The following TRIM36 variants were observed in gnomAD, a reference collection of about 807,000 sequenced individuals.
TRIM36 encodes the protein E3 ubiquitin-protein ligase TRIM36.
Under a neutral mutation model 72.4 loss-of-function variants are expected in TRIM36, and 42 were observed. The observed-to-expected ratio is 0.58, with a 90% CI of 0.45 to 0.75. The LOEUF is 0.75. Ranked by LOEUF, TRIM36 falls within the 30% of genes least tolerant of loss-of-function variation. TRIM36 has a pLI of 0.00. For missense variants in TRIM36, 913 were observed against 857.1 expected (o/e 1.07, Z -0.81); for synonymous variants, 315 against 282.8 (o/e 1.11, Z -1.14).
At chr5:115,132,599 C>T (rs1046540495) in intron 8 of TRIM36, among the ~76,000 whole-genome samples, 2 of 151,316 alleles carry the variant, frequency 1.3e-5, no homozygotes, top group Non-Finnish European at 2.9e-5. Flanking sequence ...CCATTACCCA[C>T]GTGTGAGCTG....
At chr5:115,139,904 G>A (rs1005894077) in intron 5 of TRIM36, among the ~76,000 whole-genome samples, 2 of 152,070 alleles carry the variant, frequency 1.3e-5, no homozygotes, top group African/African-American at 4.8e-5. Context: ...CAGACTCTGG[G>A]TCTTCATTTC....
At chr5:115,136,205 A>G (rs1177999212) in intron 7 of TRIM36, among the ~76,000 whole-genome samples, 1 of 151,536 alleles carries the variant, frequency 6.6e-6, no homozygotes, top group Non-Finnish European at 1.5e-5. Flanking sequence ...TAGGGTCTTT[A>G]AAGAGGAAAT....
At chr5:115,146,002 T>A (rs891829150) in intron 3 of TRIM36, among the ~76,000 whole-genome samples, 1 of 152,222 alleles carries the variant, frequency 6.6e-6, no homozygotes, top group Admixed American at 6.5e-5. Context: ...ATGAAATGTT[T>A]CTCAGTATAA....
Position 115,125,477 on chromosome 5 carries a change from G to T in TRIM36, c.*1026C>A, listed in dbSNP as rs903740248. On this transcript the variant is annotated 3_prime_UTR_variant, in exon 10 of 10. Coordinates refer to ENST00000513154, the MANE Select transcript of TRIM36 (RefSeq NM_001300759.2). The stretch of plus-strand genomic sequence containing the variant: ...ATGAGAAACAGAAAATGCCACATAA[G>T]TGAACATTTAAATGTTACAAAAATT... 5 of 151,928 alleles carry T rather than the reference G, an allele frequency of 3.3e-5. No homozygotes were observed. Among genetic ancestry groups the T allele is most frequent in the Non-Finnish European group, 1.5e-5 (1 of 67,912 alleles). The allele number at this position is 151,928 out of a possible 1,614,324, so 9.4% of individuals were successfully genotyped here.
chr5:115,130,612 G>T lies in TRIM36; in HGVS notation c.1776C>A (p.Pro592=). ...CCTACCTTGGACTAACTGCATCCCGGGGAGAACGGAGCCATTCTTGTAGTT... is the reference window on the plus strand; with the variant it reads ...CCTACCTTGGACTAACTGCATCCCGTGGAGAACGGAGCCATTCTTGTAGTT... The part of the protein sequence containing the change: ...SDKLQEWLRS[P]RDAVSPRYEQ... The change falls in exon 9 of 10, where the codon CCC becomes CCA. Residue 592 remains proline (P), a synonymous_variant. Transcript: ENST00000513154. 6.2e-7 allele frequency: 1 copy of T among 1,614,050 alleles called. No individual in the cohort carries two copies. Among genetic ancestry groups the T allele is most frequent in the Non-Finnish European group, 8.5e-7 (1 of 1,179,958 alleles).
upstream of TRIM36, among the ~76,000 whole-genome samples, chr5:115,172,776 C>T (rs1419332499): frequency 1.3e-5 from 2 of 151,780 alleles, no homozygotes; most frequent in Non-Finnish European, 2.9e-5. Flanking sequence ...ATTCTGAATG[C>T]TGCCACTCTG....
At chr5:115,164,077 C>T (rs750795625) in intron 1 of TRIM36, among the ~76,000 whole-genome samples, 11 of 152,068 alleles carry the variant, frequency 7.2e-5, no homozygotes, top group Non-Finnish European at 1.0e-4. Context: ...TTTAGGACTT[C>T]GGTGAAATCC....
intron 3 of TRIM36, among the ~76,000 whole-genome samples, chr5:115,145,696 T>C (rs947858951): frequency 6.6e-6 from 1 of 152,150 alleles, no homozygotes; most frequent in Non-Finnish European, 1.5e-5. Context: ...CCAGCTAATT[T>C]TGTAACTTAT....
intron 1 of TRIM36, among the ~76,000 whole-genome samples, 152 bp downstream of exon 1, chr5:115,169,456 C>A (rs921856734): frequency 8.5e-5 from 13 of 152,208 alleles, no homozygotes; most frequent in African/African-American, 2.9e-4. Context: ...TAGCCCCGGG[C>A]GGGAGAAGGC....
intron 1 of TRIM36, among the ~76,000 whole-genome samples, chr5:115,165,800 T>C (rs971301512): frequency 8.5e-5 from 13 of 152,102 alleles, no homozygotes; most frequent in African/African-American, 2.2e-4. Context: ...GGGCCCAGGA[T>C]GCCTCTCTTC....
In TRIM36 at chr5:115,125,309, A is replaced by C. The variant is rs1053189698; in HGVS notation, c.*1194T>G. The C allele has an allele frequency of 2.0e-5, 3 of 152,178 alleles. No homozygotes were observed. Among genetic ancestry groups the C allele is most frequent in the Non-Finnish European group, 4.4e-5 (3 of 67,992 alleles). 9.4% of individuals were successfully genotyped at this position (152,178 alleles called of 1,614,324 possible). ...CTACTTGAAAGCAACACCTTTCAAA[A>C]ACAGACACACAATTTAGATAGAATG... is the stretch of plus-strand genomic sequence containing the variant. On this transcript the variant is annotated 3_prime_UTR_variant, in exon 10 of 10. Coordinates refer to ENST00000513154, the MANE Select transcript of TRIM36 (RefSeq NM_001300759.2).
chr5:115,149,069 A>G (rs1753748325), intron 2 of TRIM36: 1 of 152,298 alleles, frequency 6.6e-6, no homozygotes, highest in Non-Finnish European at 1.5e-5. Context: ...AATATTTTTA[A>G]TATCTTCATT....
chr5:115,163,390 T>A lies in TRIM36; in HGVS notation c.262+128A>T. Reference sequence around the variant, plus strand: ...GGGGGAGGCCCCTTTATAACTACAGTTTTAATTTATTCACCTGGAAAAATT... The same window carrying A: ...GGGGGAGGCCCCTTTATAACTACAGATTTAATTTATTCACCTGGAAAAATT... On this transcript the variant is annotated intron_variant, in intron 2 of 9. Coordinates refer to ENST00000513154, the MANE Select transcript of TRIM36 (RefSeq NM_001300759.2). 5.2e-6 allele frequency: 4 copies of A among 772,230 alleles called. 1 individual carries two copies. The South Asian group carries it at 7.3e-5, about 14-fold the overall frequency. 47.8% of individuals were successfully genotyped at this position (772,230 alleles called of 1,614,324 possible). A position where few individuals can be genotyped will look rare whatever the true frequency, so the allele number is the denominator to read the frequency against.
chr5:115,151,928 A>G (rs760115418), intron 2 of TRIM36, among the ~76,000 whole-genome samples: 1 of 152,208 alleles, frequency 6.6e-6, no homozygotes, highest in Non-Finnish European at 1.5e-5. Context: ...CGAAATGGGA[A>G]GGAACTAGGA....
intron 9 of TRIM36, among the ~76,000 whole-genome samples, chr5:115,128,277 G>A (rs530404249): frequency 6.6e-6 from 1 of 151,660 alleles, no homozygotes; most frequent in South Asian, 2.1e-4. Context: ...GCTGAGGCAG[G>A]AGAATTGCTT....
At chr5:115,132,166 A>ATGTGTG (rs1752718372) in intron 8 of TRIM36, among the ~76,000 whole-genome samples, 1 of 142,684 alleles carries the variant, frequency 7.0e-6, no homozygotes, top group Admixed American at 7.2e-5. Flanking sequence ...GTGAGACCCC[A>ATGTGTG]TCTCTCTCTC....
chr5:115,179,369 T>C (rs1173546291), intron 1 of TRIM36, among the ~76,000 whole-genome samples: 1 of 152,098 alleles, frequency 6.6e-6, no homozygotes, highest in African/African-American at 2.4e-5. Context: ...TCCAGCATCT[T>C]CCCCTCCCTA....
At chr5:115,131,236 TAA>T (rs936514721) in intron 8 of TRIM36, among the ~76,000 whole-genome samples, 1 of 152,160 alleles carries the variant, frequency 6.6e-6, no homozygotes, top group Non-Finnish European at 1.5e-5. Flanking sequence ...TAAAAAATAA[TAA>T]AGAGTTGTAA....
intron 5 of TRIM36, among the ~76,000 whole-genome samples, chr5:115,139,188 T>A (rs555564806): frequency 6.6e-6 from 1 of 150,798 alleles, no homozygotes; most frequent in East Asian, 2.0e-4. Flanking sequence ...TGGAGTGATC[T>A]TGGCTCACTG....
Sources: gnomAD v4.1 joint callset for allele counts (sites outside exome capture counted in the v4.1 genomes callset) on GRCh38, gnomAD v4.1.1 for gene constraint, MANE v1.5 for transcripts, NCBI Gene and HGNC (gene_info 2026-07-23, HGNC 2026-07-21) for gene names.